Variants in RANBP17 observed in about 807,000 individuals in gnomAD.
RANBP17 encodes RAN binding protein 17.
In RANBP17, 158 loss-of-function variants were observed where a neutral mutation model predicts 141.2. The observed-to-expected ratio is 1.12, with a 90% CI of 0.98 to 1.28. The LOEUF (loss-of-function observed/expected upper bound fraction) is 1.28, where lower values mean the gene tolerates loss of function less well. RANBP17 is among the 50% of genes most tolerant of loss of function. The probability of loss-of-function intolerance (pLI) is 0.00; values close to 1 mark genes in which losing one functional copy is unlikely to be tolerated. For missense variants in RANBP17, 1,438 were observed against 1,290.7 expected (o/e 1.11, Z -1.75); for synonymous variants, 430 against 450.0 (o/e 0.96, Z 0.56).
Position 171,265,698 on chromosome 5 carries a change from A to C in RANBP17, c.2794A>C (p.Ser932Arg). 1 of 1,613,082 alleles carries C rather than the reference A, an allele frequency of 6.2e-7. No individual in the cohort carries two copies. Among genetic ancestry groups the C allele is most frequent in the African/African-American group, 1.3e-5 (1 of 74,994 alleles). ...TTGTACAGATACAGTTGTCTCCTCC[A>C]GCTGCTGTACCAGTTTAGACTACAT... ...LTTLDTVVSS[S>R]CCTSLDYIVT... Residue 932 changes from serine to arginine, a missense_variant, in exon 25 of 28, where the codon AGC becomes CGC. By Grantham distance (110) the Ser-to-Arg change is moderately radical. Coordinates refer to ENST00000523189, the MANE Select transcript of RANBP17 (RefSeq NM_022897.5).
At chr5:171,287,702 C>T (rs561151554) in intron 25 of RANBP17, among the ~76,000 whole-genome samples, 1 of 152,060 alleles carries the variant, frequency 6.6e-6, no homozygotes, top group African/African-American at 2.4e-5. Flanking sequence ...TTCGCCTAAA[C>T]CAGAGCCTTC....
At chr5:171,274,070 G>A (rs552974020) in intron 25 of RANBP17, among the ~76,000 whole-genome samples, 1 of 151,702 alleles carries the variant, frequency 6.6e-6, no homozygotes, top group South Asian at 2.1e-4. Flanking sequence ...CTTCAAAATA[G>A]CCAGGTTTGT....
chr5:171,235,305 G>T (rs955782245), intron 22 of RANBP17, among the ~76,000 whole-genome samples: 1 of 148,208 alleles, frequency 6.7e-6, no homozygotes, highest in African/African-American at 2.5e-5. Flanking sequence ...AAGGCCAAGA[G>T]AAGTTTTTGC....
intron 1 of RANBP17, among the ~76,000 whole-genome samples, chr5:170,871,868 A>G (rs1338415973): frequency 2.6e-5 from 4 of 151,968 alleles, no homozygotes; most frequent in South Asian, 4.2e-4. Flanking sequence ...ATTCTGTTCT[A>G]TTGGTCTATG....
intron 14 of RANBP17, among the ~76,000 whole-genome samples, chr5:171,166,426 GTT>G (rs201095384): frequency 2.8e-4 from 40 of 144,848 alleles, no homozygotes; most frequent in African/African-American, 9.3e-4. Context: ...CTGAAAGTGA[GTT>G]TTTTTTTTTT....
intron 5 of RANBP17, among the ~76,000 whole-genome samples, chr5:170,906,535 C>T (rs1160010600): frequency 1.3e-5 from 2 of 151,966 alleles, no homozygotes; most frequent in African/African-American, 4.8e-5. Flanking sequence ...ATGGACTCCT[C>T]TGGGCTCACC....
At chr5:171,159,660 G>A (rs1022453444) in intron 14 of RANBP17, among the ~76,000 whole-genome samples, 1 of 152,100 alleles carries the variant, frequency 6.6e-6, no homozygotes, top group African/African-American at 2.4e-5. Context: ...AGTGGCTCAC[G>A]CCTATAATCC....
At chr5:171,106,727 G>A (rs943446660) in intron 14 of RANBP17, among the ~76,000 whole-genome samples, 3 of 152,106 alleles carry the variant, frequency 2.0e-5, no homozygotes, top group African/African-American at 4.8e-5. Flanking sequence ...AATCACACGA[G>A]GAAGTTTTGT....
intron 14 of RANBP17, among the ~76,000 whole-genome samples, chr5:171,152,860 G>A (rs1232095761): frequency 6.6e-6 from 1 of 152,172 alleles, no homozygotes; most frequent in Non-Finnish European, 1.5e-5. Flanking sequence ...TTATGACGAA[G>A]GTGTCATTAA....
At position 171,041,250 on chromosome 5, in the gene RANBP17, T is replaced by A. The variant is rs542384979; in HGVS notation, c.1710+72873T>A. Among the ~76,000 whole-genome samples the A allele has an allele frequency of 4.9e-4, 75 of 152,256 alleles. No individual in the cohort carries two copies. The South Asian group carries it at 0.012, about 24-fold the overall frequency. ...TGTTATTAATTATTTGTTATTTATT[T>A]ATTATTACTATTAAGCAGTAATTGA... On this transcript the variant is annotated intron_variant, in intron 14 of 27. Transcript: ENST00000523189.
chr5:170,878,155 A>G lies in RANBP17; in HGVS notation c.77A>G (p.Gln26Arg). The G allele has an allele frequency of 2.5e-6, 4 of 1,612,950 alleles. No individual in the cohort carries two copies. Among genetic ancestry groups the G allele is most frequent in the Non-Finnish European group, 3.4e-6 (4 of 1,179,396 alleles). The change falls in exon 2 of 28, where the codon CAA (glutamine) becomes CGA (arginine). Residue 26 changes from glutamine to arginine, a missense_variant. Transcript: ENST00000523189. ...CTCTACATAGGGACTGATCTTACAC[A>G]AAGAATAGAGGCTGAGAAAGCACTC... ...THLYIGTDLT[Q>R]RIEAEKALLE...
chr5:170,902,499 A>T (rs957961737), intron 5 of RANBP17, among the ~76,000 whole-genome samples: 11 of 152,042 alleles, frequency 7.2e-5, no homozygotes, highest in Admixed American at 3.9e-4. Context: ...TTTATTACCC[A>T]CCTTCTGAAG....
intron 14 of RANBP17, among the ~76,000 whole-genome samples, chr5:171,074,048 A>G (rs1430636176): frequency 6.6e-6 from 1 of 152,134 alleles, no homozygotes; most frequent in Non-Finnish European, 1.5e-5. Context: ...CTCCTTGTGG[A>G]CTGGACTTAG....
rs367549874 is a variant in RANBP17 at position 170,937,741 on chromosome 5, A to G, written c.1468+13191A>G. Among the ~76,000 whole-genome samples, 9 of 152,254 alleles carry G rather than the reference A, an allele frequency of 5.9e-5. No individual in the cohort carries two copies. The South Asian group carries it at 6.2e-4, about 11-fold the overall frequency. ...TTGTTTTGACTGATGACACATGACA[A>G]TCTTTTGTCATTTCAGATTTGTGTT... On this transcript the variant is annotated intron_variant, in intron 12 of 27. Coordinates refer to ENST00000523189, the MANE Select transcript of RANBP17 (RefSeq NM_022897.5).
intron 14 of RANBP17, among the ~76,000 whole-genome samples, chr5:171,115,025 C>T (rs1041910632): frequency 4.0e-5 from 6 of 151,734 alleles, no homozygotes; most frequent in Admixed American, 2.0e-4. Context: ...GATTGCAGCC[C>T]GGGAGTTCAA....
intron 25 of RANBP17, among the ~76,000 whole-genome samples, chr5:171,277,637 G>GTGTATATATATATATATATATATA (rs1437482589): frequency 0.025 from 1,430 of 56,740 alleles, 340 homozygotes; most frequent in Non-Finnish European, 0.033. Context: ...ATATATGTAT[G>GTGTATATATATATATATATATATA]TATATATATA....
intron 18 of RANBP17, among the ~76,000 whole-genome samples, chr5:171,198,635 G>A (rs1412395966): frequency 6.6e-6 from 1 of 152,088 alleles, no homozygotes; most frequent in Non-Finnish European, 1.5e-5. Flanking sequence ...ATGGAACCTG[G>A]GCATTTACAT....
At chr5:170,982,751 G>A (rs1024018207) in intron 14 of RANBP17, among the ~76,000 whole-genome samples, 2 of 152,144 alleles carry the variant, frequency 1.3e-5, no homozygotes, top group East Asian at 1.9e-4. Context: ...TTCCAGCAAA[G>A]TGAGTGAAAG....
rs1269638877 is a variant in RANBP17 at position 170,881,881 on chromosome 5, C to T, written c.241C>T (p.Gln81Ter). Reference protein sequence around the residue: ...VSRVSPLPVEQRMDIRNYILN... With the variant: ...VSRVSPLPVE ...CCGAGTCAGTCCTTTACCTGTTGAGCAGAGGATGGACATCAGTAAGTGGCT... is the reference window on the plus strand; with the variant it reads ...CCGAGTCAGTCCTTTACCTGTTGAGTAGAGGATGGACATCAGTAAGTGGCT... Residue 81 changes from glutamine (Q) to a stop codon, truncating the protein, a stop_gained, in exon 3 of 28, where the codon CAG becomes TAG. Coordinates refer to ENST00000523189, the MANE Select transcript of RANBP17 (RefSeq NM_022897.5). LOFTEE classifies it high-confidence loss of function. 4.4e-6 allele frequency: 7 copies of T among 1,603,794 alleles called. No homozygotes were observed. Among genetic ancestry groups the T allele is most frequent in the Non-Finnish European group, 5.1e-6 (6 of 1,175,520 alleles).
Sources: gnomAD v4.1 joint callset for allele counts (sites outside exome capture counted in the v4.1 genomes callset) on GRCh38, gnomAD v4.1.1 for gene constraint, MANE v1.5 for transcripts, NCBI Gene and HGNC (gene_info 2026-07-23, HGNC 2026-07-21) for gene names.